The following OR1B1 variants were observed in gnomAD, a reference collection of about 807,000 sequenced individuals.
The protein encoded by OR1B1 is olfactory receptor 1B1.
For missense variants in OR1B1, 414 were observed against 402.1 expected, an observed-to-expected ratio of 1.03 and a Z score of -0.25; for synonymous variants, 168 against 156.2, an observed-to-expected ratio of 1.08 and a Z score of -0.57.
At chr9:122,636,010 A>C in the OR1B1 span, among the ~76,000 whole-genome samples, 31,132 of 152,164 alleles carry the variant, frequency 0.2, 3,677 homozygotes, top group East Asian at 0.44. Flanking sequence ...GAAAAAATAA[A>C]AAAGCATTTT....
chr9:122,639,649 A>G, the OR1B1 span: 6 of 151,906 alleles, frequency 3.9e-5, no homozygotes, highest in Admixed American at 3.9e-4. Context: ...AGTTGTTGGA[A>G]GAATTAAATA....
At chr9:122,650,353 C>T in the OR1B1 span, among the ~76,000 whole-genome samples, 1 of 151,878 alleles carries the variant, frequency 6.6e-6, no homozygotes, top group South Asian at 2.1e-4. Flanking sequence ...ACCTATGTAA[C>T]AAACCTGCAA....
chr9:122,630,834 A>C (rs1378854376), upstream of OR1B1, among the ~76,000 whole-genome samples: 2 of 151,910 alleles, frequency 1.3e-5, no homozygotes, highest in Non-Finnish European at 2.9e-5. Flanking sequence ...CAGCCTCCCA[A>C]GTAGCTGGGA....
At chr9:122,656,202 T>C in the OR1B1 span, among the ~76,000 whole-genome samples, 2 of 152,274 alleles carry the variant, frequency 1.3e-5, no homozygotes, top group African/African-American at 4.8e-5. Context: ...GCAACACGTG[T>C]CTTCAAAAAA....
the OR1B1 span, among the ~76,000 whole-genome samples, chr9:122,649,795 T>G: frequency 6.6e-6 from 1 of 152,224 alleles, no homozygotes; most frequent in Non-Finnish European, 1.5e-5. Flanking sequence ...TTTTACACTG[T>G]TGGTGGAAAT....
At chr9:122,639,730 T>A in the OR1B1 span, 1 of 149,828 alleles carries the variant, frequency 6.7e-6, no homozygotes, top group South Asian at 2.1e-4. Flanking sequence ...CAATATATAT[T>A]TATATATTGA....
At chr9:122,630,517 T>C (rs146697495), upstream of OR1B1, among the ~76,000 whole-genome samples, 11 of 152,328 alleles carry the variant, frequency 7.2e-5, no homozygotes, top group African/African-American at 2.6e-4. Flanking sequence ...GTTTCTCTAC[T>C]TGACTCTCCT....
chr9:122,638,963 A>G, the OR1B1 span, among the ~76,000 whole-genome samples: 1 of 152,186 alleles, frequency 6.6e-6, no homozygotes, highest in East Asian at 1.9e-4. Context: ...AAATTTAACT[A>G]ATCATAAGCT....
chr9:122,657,325 A>G, the OR1B1 span, among the ~76,000 whole-genome samples: 1 of 148,268 alleles, frequency 6.7e-6, no homozygotes, highest in Non-Finnish European at 1.5e-5. Flanking sequence ...TATTTTTTAC[A>G]TAGAGTCAAA....
chr9:122,648,257 C>T, the OR1B1 span, among the ~76,000 whole-genome samples: 50 of 152,200 alleles, frequency 3.3e-4, 1 homozygote, highest in East Asian at 5.4e-3. Flanking sequence ...GTTCAACATA[C>T]GCAAATCAAT....
chr9:122,643,091 C>G, the OR1B1 span, among the ~76,000 whole-genome samples: 1 of 147,030 alleles, frequency 6.8e-6, no homozygotes, highest in Non-Finnish European at 1.5e-5. Context: ...CCCCACCACT[C>G]TCACTGGACC....
the OR1B1 span, among the ~76,000 whole-genome samples, chr9:122,645,442 A>G: frequency 6.6e-6 from 1 of 152,168 alleles, no homozygotes; most frequent in Non-Finnish European, 1.5e-5. Context: ...AAGGTTATAG[A>G]ACACTAAGCA....
chr9:122,638,396 A>T, the OR1B1 span, among the ~76,000 whole-genome samples: 1,293 of 152,274 alleles, frequency 8.5e-3, 21 homozygotes, highest in African/African-American at 0.03. Context: ...TCCTATTAAA[A>T]TATAAACAAT....
the OR1B1 span, among the ~76,000 whole-genome samples, chr9:122,651,126 A>T: frequency 3.9e-5 from 6 of 152,348 alleles, no homozygotes; most frequent in South Asian, 2.1e-4. Context: ...CTAAATTTTT[A>T]AAATTAAAAC....
chr9:122,647,780 G>C, the OR1B1 span, among the ~76,000 whole-genome samples: 7 of 145,628 alleles, frequency 4.8e-5, no homozygotes, highest in African/African-American at 2.0e-4. Flanking sequence ...ATTCACACCT[G>C]TACCCACTGA....
the OR1B1 span, among the ~76,000 whole-genome samples, chr9:122,649,266 G>A: frequency 2.6e-5 from 4 of 152,270 alleles, no homozygotes; most frequent in African/African-American, 9.6e-5. Flanking sequence ...ATGGATTAAA[G>A]ACTTAAAGGT....
At chr9:122,632,175 C>T (rs1226011842), upstream of OR1B1, among the ~76,000 whole-genome samples, 1 of 151,986 alleles carries the variant, frequency 6.6e-6, no homozygotes, top group African/African-American at 2.4e-5. Context: ...CATCAATCAA[C>T]AAATAATGTG....
exon 1 of OR1B1, chr9:122,628,856 A>G (rs774281641): frequency 1.2e-5 from 19 of 1,614,038 alleles, no homozygotes; most frequent in Non-Finnish European, 1.6e-5. Flanking sequence ...AGCGGCCCCA[A>G]TTCGGACATA....
chr9:122,653,624 G>T, the OR1B1 span, among the ~76,000 whole-genome samples: 1 of 152,082 alleles, frequency 6.6e-6, no homozygotes, highest in Non-Finnish European at 1.5e-5. Flanking sequence ...CTGAAACCAA[G>T]CCTGTGTTCT....
Sources: gnomAD v4.1 joint callset for allele counts (sites outside exome capture counted in the v4.1 genomes callset) on GRCh38, gnomAD v4.1.1 for gene constraint, MANE v1.5 for transcripts, NCBI Gene and HGNC (gene_info 2026-07-23, HGNC 2026-07-21) for gene names.